The following WDR72 variants were observed in gnomAD, a reference collection of about 807,000 sequenced individuals.
WDR72 encodes WD repeat domain 72, also known as WD repeat-containing protein 72.
Under a neutral mutation model 124.2 loss-of-function variants are expected in WDR72, and 120 were observed. The ratio of observed to expected loss-of-function variants is 0.97; its 90% CI spans 0.83 to 1.12. The LOEUF (loss-of-function observed/expected upper bound fraction) is 1.12, where lower values mean the gene tolerates loss of function less well. WDR72 is among the 50% of genes most tolerant of loss of function. The pLI is 0.00. For missense variants in WDR72, 1,387 were observed against 1,278.8 expected, an observed-to-expected ratio of 1.08 and a Z score of -1.29; for synonymous variants, 452 against 441.7, an observed-to-expected ratio of 1.02 and a Z score of -0.29.
chr15:53,557,546 T>A (rs1893975479), intron 18 of WDR72, among the ~76,000 whole-genome samples: 1 of 152,066 alleles, frequency 6.6e-6, no homozygotes, highest in African/African-American at 2.4e-5. Context: ...AAACAATGCC[T>A]TGATCTACGA....
intron 3 of WDR72, among the ~76,000 whole-genome samples, chr15:53,717,179 C>G (rs1307764141): frequency 6.6e-6 from 1 of 151,882 alleles, no homozygotes; most frequent in African/African-American, 2.4e-5. Flanking sequence ...GATTTGAAAT[C>G]CTAAAATCAT....
In WDR72 at chr15:53,517,744, C is replaced by T. The variant is rs759923850; in HGVS notation, c.3264G>A (p.Arg1088=). The change falls in exon 20 of 20, where the codon AGG becomes AGA. Residue 1088 remains arginine, a synonymous_variant. Coordinates refer to ENST00000360509, the MANE Select transcript of WDR72 (RefSeq NM_182758.4). ...AGACCTTTGCTATCCATGAATGATGCCTTGGCTCACCTAGGAAAAAAGCAG... is the reference window on the plus strand; with the variant it reads ...AGACCTTTGCTATCCATGAATGATGTCTTGGCTCACCTAGGAAAAAAGCAG... ...LEESESPGEP[R]HHSWIAKVCP... 6.2e-7 allele frequency: 1 copy of T among 1,612,620 alleles called. No homozygotes were observed.
At chr15:53,676,430 C>A (rs2016174766) in intron 13 of WDR72, among the ~76,000 whole-genome samples, 1 of 152,196 alleles carries the variant, frequency 6.6e-6, no homozygotes, top group South Asian at 2.1e-4. Flanking sequence ...TTCTCTCCAG[C>A]CACTCAAACA....
chr15:53,737,110 T>A (rs906415943), intron 1 of WDR72, among the ~76,000 whole-genome samples: 3 of 151,748 alleles, frequency 2.0e-5, no homozygotes, highest in African/African-American at 7.3e-5. Context: ...TGAGCTTACA[T>A]AGCATCTCTA....
chr15:53,722,436 C>T (rs1198588704), intron 3 of WDR72, among the ~76,000 whole-genome samples: 1 of 152,144 alleles, frequency 6.6e-6, no homozygotes, highest in Non-Finnish European at 1.5e-5. Context: ...TGCTTAAGAG[C>T]TCAAAGTGTG....
At chr15:53,532,586 G>C (rs992916137) in intron 18 of WDR72, among the ~76,000 whole-genome samples, 6 of 148,186 alleles carry the variant, frequency 4.0e-5, no homozygotes, top group Non-Finnish European at 9.0e-5. Context: ...TGACAGCTAA[G>C]AAAATATTGA....
rs141554803 is a variant in WDR72, at chr15:53,728,636, G to A, written c.153+4361C>T. On this transcript the variant is annotated intron_variant, in intron 2 of 19. Transcript: ENST00000360509. ...GTTTCCTTCTGAGTATTAGACAGGC[G>A]GAAGAGCAGAACATAGCAATACTAA... Among the ~76,000 whole-genome samples the A allele has an allele frequency of 3.2e-3, 492 of 152,240 alleles. 1 individual carries two copies. Among genetic ancestry groups the A allele is most frequent in the Non-Finnish European group, 5.4e-3 (370 of 68,026 alleles).
intron 11 of WDR72, among the ~76,000 whole-genome samples, chr15:53,702,736 G>A (rs1347679015): frequency 6.6e-6 from 1 of 152,038 alleles, no homozygotes; most frequent in Non-Finnish European, 1.5e-5. Flanking sequence ...AGCTAGGTGT[G>A]GTAGCTCGCA....
At chr15:53,546,539 A>G (rs1014841168) in intron 18 of WDR72, among the ~76,000 whole-genome samples, 11 of 152,086 alleles carry the variant, frequency 7.2e-5, no homozygotes, top group African/African-American at 2.7e-4. Context: ...GGGGAGGGAT[A>G]GCATTGGGAG....
intron 13 of WDR72, among the ~76,000 whole-genome samples, chr15:53,690,515 A>G (rs1362086913): frequency 6.6e-6 from 1 of 152,156 alleles, no homozygotes; most frequent in Non-Finnish European, 1.5e-5. Flanking sequence ...TGGATATGTC[A>G]TATAAAAAAG....
chr15:53,758,775 G>C (rs901502273), intron 1 of WDR72, among the ~76,000 whole-genome samples: 1 of 125,586 alleles, frequency 8.0e-6, no homozygotes, highest in Non-Finnish European at 1.8e-5. Context: ...CTGCGGGGGG[G>C]GGGGGGGCGG....
intron 14 of WDR72, among the ~76,000 whole-genome samples, chr15:53,643,346 TGAG>T (rs1271612163): frequency 6.6e-6 from 1 of 152,132 alleles, no homozygotes; most frequent in East Asian, 1.9e-4. Context: ...AACTGTTTGT[TGAG>T]AATACTTTTA....
intron 13 of WDR72, among the ~76,000 whole-genome samples, chr15:53,688,511 GTC>G: frequency 6.6e-6 from 1 of 152,146 alleles, no homozygotes; most frequent in Non-Finnish European, 1.5e-5. Flanking sequence ...TGCAAGGGAA[GTC>G]AAGGACCTCT....
At chr15:53,736,532 G>C (rs1338185496) in intron 1 of WDR72, among the ~76,000 whole-genome samples, 1 of 152,210 alleles carries the variant, frequency 6.6e-6, no homozygotes, top group South Asian at 2.1e-4. Context: ...AGGGGCCAGA[G>C]CTTGGGCAGG....
chr15:53,608,308 T>C (rs1302282842), intron 17 of WDR72, among the ~76,000 whole-genome samples: 1 of 152,112 alleles, frequency 6.6e-6, no homozygotes, highest in Non-Finnish European at 1.5e-5. Context: ...GAAAACATGG[T>C]ACACATACAC....
intron 14 of WDR72, among the ~76,000 whole-genome samples, chr15:53,654,649 G>A (rs922659911): frequency 4.6e-5 from 7 of 152,130 alleles, no homozygotes; most frequent in African/African-American, 1.7e-4. Context: ...TCACCATGCA[G>A]CTCATTGAAT....
chr15:53,657,638 G>A (rs187966360), intron 14 of WDR72, among the ~76,000 whole-genome samples: 113 of 152,268 alleles, frequency 7.4e-4, no homozygotes, highest in African/African-American at 2.2e-3. Context: ...ATGAAATATT[G>A]TAGGGGGAGA....
chr15:53,711,161 C>A, intron 8 of WDR72, 175 bp downstream of exon 8: 1 of 958,474 alleles, frequency 1.0e-6, no homozygotes, highest in Non-Finnish European at 1.6e-6. Flanking sequence ...CCTCCATCCC[C>A]TGCTGTTTTG....
intron 14 of WDR72, among the ~76,000 whole-genome samples, chr15:53,621,430 G>GAGATAT (rs1555414986): frequency 8.0e-6 from 1 of 124,376 alleles, no homozygotes; most frequent in Admixed American, 7.9e-5. Flanking sequence ...AAGAAACTGT[G>GAGATAT]ATATATATAT....
Sources: gnomAD v4.1 joint callset for allele counts (sites outside exome capture counted in the v4.1 genomes callset) on GRCh38, gnomAD v4.1.1 for gene constraint, MANE v1.5 for transcripts, NCBI Gene and HGNC (gene_info 2026-07-23, HGNC 2026-07-21) for gene names.